MAF: variants seen among roughly 807,000 people sequenced by gnomAD.
The protein encoded by MAF is MAF bZIP transcription factor.
Under a neutral mutation model 22.0 loss-of-function variants are expected in MAF, and 10 were observed. The ratio of observed to expected loss-of-function variants is 0.45; its 90% confidence interval spans 0.28 to 0.77. MAF has a LOEUF of 0.77. Ranked by LOEUF, MAF falls within the 30% of genes least tolerant of loss-of-function variation. MAF has a pLI of 0.12. For missense variants in MAF, 544 were observed against 548.4 expected, an observed-to-expected ratio of 0.99 and a Z score of 0.08; for synonymous variants, 337 against 255.8, an observed-to-expected ratio of 1.32 and a Z score of -3.03.
chr16:79,358,694 C>A, the MAF span, among the ~76,000 whole-genome samples: 17 of 152,228 alleles, frequency 1.1e-4, no homozygotes, highest in Non-Finnish European at 1.9e-4. Context: ...GCATGAAGTG[C>A]CGGCTGCTGA....
chr16:79,449,436 G>A, the MAF span, among the ~76,000 whole-genome samples: 1 of 152,216 alleles, frequency 6.6e-6, no homozygotes, highest in Admixed American at 6.5e-5. Context: ...AACAGAACCC[G>A]CAATAGCTGT....
Position 79,599,515 on chromosome 16 carries a change from C to A in MAF, c.388G>T (p.Gly130Cys). Residue 130 changes from glycine (G) to cysteine (C), a missense_variant, in exon 1 of 2, where the codon GGC becomes TGC. Physicochemically the swap from Gly to Cys is radical, Grantham distance 159. Around this residue, in one of 5 missense-constraint regions of MAF, gnomAD observed 342 missense variants for 315.5 expected, o/e 1.08. Coordinates refer to ENST00000326043, the MANE Select transcript of MAF (RefSeq NM_005360.5). Reference sequence around the variant, plus strand: ...AGCTGCTGCGCCCCGCGCGCGTAGCCATCGAAGCCGCCCTGGAGCTGGTGG... The same window carrying A: ...AGCTGCTGCGCCCCGCGCGCGTAGCAATCGAAGCCGCCCTGGAGCTGGTGG... ...NSHQLQGGFDGYARGAQQLAA... is the reference protein window; with the variant it reads ...NSHQLQGGFDCYARGAQQLAA... The A allele has an allele frequency of 1.3e-6, 2 of 1,534,046 alleles. No individual in the cohort carries two copies. Among genetic ancestry groups the A allele is most frequent in the Admixed American group, 4.0e-5 (2 of 49,574 alleles).
chr16:79,324,255 G>A, the MAF span, among the ~76,000 whole-genome samples: 4 of 152,128 alleles, frequency 2.6e-5, no homozygotes, highest in African/African-American at 9.7e-5. Flanking sequence ...GCCAGGGTGT[G>A]GTAAACAGAA....
At chr16:79,318,657 A>T in the MAF span, among the ~76,000 whole-genome samples, 1 of 152,178 alleles carries the variant, frequency 6.6e-6, no homozygotes, top group East Asian at 1.9e-4. Context: ...CATTGGATAC[A>T]TCCATTTCAT....
chr16:79,493,426 C>A, the MAF span, among the ~76,000 whole-genome samples: 1 of 152,164 alleles, frequency 6.6e-6, no homozygotes, highest in South Asian at 2.1e-4. Context: ...ATGATCCACC[C>A]ACCTCAGCAT....
chr16:79,343,893 C>T, the MAF span, among the ~76,000 whole-genome samples: 1 of 152,134 alleles, frequency 6.6e-6, no homozygotes, highest in African/African-American at 2.4e-5. Flanking sequence ...GTGGCTCTGA[C>T]AGTTAAAAGC....
chr16:79,540,856 AT>A, the MAF span, among the ~76,000 whole-genome samples: 544 of 152,160 alleles, frequency 3.6e-3, 5 homozygotes, highest in African/African-American at 0.013. Context: ...ATTTAGCGGC[AT>A]CTGCAGTGCA....
chr16:79,599,762 G>A lies in MAF; in HGVS notation c.141C>T (p.Gly47=), dbSNP rs1913888847. 1.2e-6 allele frequency: 2 copies of A among 1,613,094 alleles called. No individual in the cohort carries two copies. The highest frequency in any genetic ancestry group is 2.2e-5 in the East Asian group (1 of 44,832). Residue 47 remains glycine, a synonymous_variant, in exon 1 of 2, where the codon GGC becomes GGT. Transcript: ENST00000326043. ...VETDRIISQC[G]RLIAGGSLSS... is the part of the protein sequence containing the mutation. ...ACAGCGAGCCCCCGGCGATGAGACG[G>A]CCGCACTGGCTGATGATGCGGTCGG...
the MAF span, among the ~76,000 whole-genome samples, chr16:79,557,044 C>T: frequency 0.011 from 1,697 of 151,110 alleles, 52 homozygotes; most frequent in African/African-American, 0.04. Flanking sequence ...ACTTAAACTC[C>T]CAGGCTCAAG....
chr16:79,568,134 C>T, the MAF span, among the ~76,000 whole-genome samples: 2 of 152,164 alleles, frequency 1.3e-5, no homozygotes, highest in African/African-American at 4.8e-5. Context: ...GTCTGTTTCT[C>T]AATAAAATCC....
the MAF span, among the ~76,000 whole-genome samples, chr16:79,491,922 A>G: frequency 1.3e-5 from 2 of 152,184 alleles, no homozygotes; most frequent in Non-Finnish European, 2.9e-5. Flanking sequence ...CCAGGCCTTC[A>G]TAAACAACAG....
the MAF span, among the ~76,000 whole-genome samples, chr16:79,357,320 G>A: frequency 6.7e-6 from 1 of 148,988 alleles, no homozygotes; most frequent in African/African-American, 2.5e-5. Context: ...TGTGGTGGCG[G>A]GCGCCTGTAA....
At chr16:79,441,965 T>C in the MAF span, among the ~76,000 whole-genome samples, 1 of 152,120 alleles carries the variant, frequency 6.6e-6, no homozygotes, top group South Asian at 2.1e-4. Flanking sequence ...CAAAAGGTCA[T>C]GTGAAGGCTA....
chr16:79,450,913 T>C, the MAF span, among the ~76,000 whole-genome samples: 3 of 152,302 alleles, frequency 2.0e-5, no homozygotes, highest in South Asian at 6.2e-4. Flanking sequence ...AAACTCTATT[T>C]ATTACCATAG....
At chr16:79,218,935 G>C in the MAF span, among the ~76,000 whole-genome samples, 3 of 152,154 alleles carry the variant, frequency 2.0e-5, no homozygotes, top group Non-Finnish European at 2.9e-5. Context: ...AAGCCTCTGT[G>C]GTTCATACTG....
chr16:79,287,731 ATTCATTCACTCATTCT>A, the MAF span, among the ~76,000 whole-genome samples: 2 of 152,082 alleles, frequency 1.3e-5, no homozygotes, highest in African/African-American at 2.4e-5. Flanking sequence ...TCACTCATTC[ATTCATTCACTCATTCT>A]TTCATTCACT....
chr16:79,442,741 C>T, the MAF span, among the ~76,000 whole-genome samples: 1 of 152,192 alleles, frequency 6.6e-6, no homozygotes, highest in African/African-American at 2.4e-5. Context: ...AATTCCATCT[C>T]CCAGTAGCCA....
chr16:79,404,565 G>A, the MAF span, among the ~76,000 whole-genome samples: 1 of 152,110 alleles, frequency 6.6e-6, no homozygotes, highest in South Asian at 2.1e-4. Context: ...TTTACTTACC[G>A]CATGGGGTGC....
At chr16:79,356,099 G>T in the MAF span, among the ~76,000 whole-genome samples, 1 of 151,588 alleles carries the variant, frequency 6.6e-6, no homozygotes, top group Non-Finnish European at 1.5e-5. Context: ...ACACCCACAC[G>T]TGCATTCAAG....
Sources: gnomAD v4.1 joint callset for allele counts (sites outside exome capture counted in the v4.1 genomes callset) on GRCh38, gnomAD v4.1.1 for gene constraint, gnomAD v4.1.1 regional missense constraint, MANE v1.5 for transcripts, NCBI Gene and HGNC (gene_info 2026-07-23, HGNC 2026-07-21) for gene names.